The following PRKG1 variants were observed in gnomAD, a reference collection of about 807,000 sequenced individuals.
PRKG1 encodes protein kinase cGMP-dependent 1.
PRKG1 carries 35 observed loss-of-function variants against 88.1 expected under a neutral mutation model. That is an observed-to-expected ratio of 0.40 (90% CI 0.30 to 0.53). PRKG1 has a LOEUF of 0.53. PRKG1 is among the 20% of genes least tolerant of loss of function. PRKG1 has a pLI of 0.59. For synonymous variants in PRKG1, 303 were observed against 292.5 expected (o/e 1.04, Z -0.37); for missense variants, 540 against 839.8 (o/e 0.64, Z 4.41).
chr10:52,027,534 A>G (rs1451254572), intron 5 of PRKG1, among the ~76,000 whole-genome samples: 1 of 152,216 alleles, frequency 6.6e-6, no homozygotes, highest in East Asian at 1.9e-4. Flanking sequence ...TTCTTAAACA[A>G]TCCAGAGAAT....
chr10:51,321,237 T>C (rs1424471890), intron 2 of PRKG1, among the ~76,000 whole-genome samples: 1 of 152,176 alleles, frequency 6.6e-6, no homozygotes, highest in Non-Finnish European at 1.5e-5. Context: ...CTTAAGCACG[T>C]TACTTAAATC....
chr10:51,780,961 G>A (rs1049129468), intron 3 of PRKG1, among the ~76,000 whole-genome samples: 1 of 151,938 alleles, frequency 6.6e-6, no homozygotes, highest in Non-Finnish European at 1.5e-5. Flanking sequence ...TATCATCCTT[G>A]GAACTGCAGA....
chr10:52,261,395 T>C (rs978655763), intron 10 of PRKG1, among the ~76,000 whole-genome samples: 1 of 152,078 alleles, frequency 6.6e-6, no homozygotes, highest in African/African-American at 2.4e-5. Flanking sequence ...TGGATTCAAA[T>C]GAAAAGGCAT....
At chr10:51,870,690 A>C (rs907769534) in intron 4 of PRKG1, among the ~76,000 whole-genome samples, 1 of 152,136 alleles carries the variant, frequency 6.6e-6, no homozygotes, top group African/African-American at 2.4e-5. Context: ...CATAGGTCAG[A>C]TGAAAGGTTC....
chr10:51,295,720 G>C (rs1360206710), intron 2 of PRKG1, among the ~76,000 whole-genome samples: 1 of 151,982 alleles, frequency 6.6e-6, no homozygotes, highest in Non-Finnish European at 1.5e-5. Flanking sequence ...GTGTTGAATA[G>C]ATGTAGTGAG....
chr10:51,467,826 G>T lies in PRKG1; in HGVS notation c.582G>T (p.Ala194=). The T allele has an allele frequency of 6.2e-7, 1 of 1,610,240 alleles. No homozygotes were observed. The highest frequency in any genetic ancestry group is 1.1e-5 in the South Asian group (1 of 90,998). Residue 194 remains alanine (A), a synonymous_variant, in exon 3 of 18, where the codon GCG becomes GCT. Transcript: ENST00000373980. ...TTCTTTACAACTGTACCCGGACAGC[G>T]ACCGTCAAGAGTAAGACTATTTTCA... ...LAILYNCTRT[A]TVKTLVNVKL...
chr10:51,763,544 C>T (rs185316823), intron 3 of PRKG1, among the ~76,000 whole-genome samples: 8 of 150,834 alleles, frequency 5.3e-5, no homozygotes, highest in Admixed American at 2.7e-4. Flanking sequence ...TGAGCCACCA[C>T]ACCCAGCCAC....
intron 1 of PRKG1, among the ~76,000 whole-genome samples, chr10:51,082,312 G>T (rs936681402): frequency 6.6e-6 from 1 of 152,084 alleles, no homozygotes; most frequent in Non-Finnish European, 1.5e-5. Flanking sequence ...TCATTCTCTG[G>T]GGTGTATCTG....
At chr10:51,674,209 G>A (rs1436262878) in intron 3 of PRKG1, among the ~76,000 whole-genome samples, 1 of 152,080 alleles carries the variant, frequency 6.6e-6, no homozygotes, top group Non-Finnish European at 1.5e-5. Flanking sequence ...TGGGGTACAT[G>A]TGCAGAATGT....
At chr10:51,461,290 A>G (rs1340393403) in intron 2 of PRKG1, among the ~76,000 whole-genome samples, 1 of 152,166 alleles carries the variant, frequency 6.6e-6, no homozygotes, top group Non-Finnish European at 1.5e-5. Flanking sequence ...AGTGCTTTTG[A>G]GCACCCTGTA....
At chr10:51,751,638 C>A (rs1052316231) in intron 3 of PRKG1, among the ~76,000 whole-genome samples, 14 of 152,128 alleles carry the variant, frequency 9.2e-5, no homozygotes, top group East Asian at 3.9e-4. Flanking sequence ...ATCTAAAATT[C>A]AAATTTCACT....
intron 9 of PRKG1, among the ~76,000 whole-genome samples, chr10:52,214,770 A>G (rs1432551823): frequency 1.3e-5 from 2 of 152,122 alleles, no homozygotes; most frequent in East Asian, 3.9e-4. Flanking sequence ...ATACAAATGT[A>G]ATGAGGAAAG....
At chr10:52,084,200 C>G (rs547591095) in intron 7 of PRKG1, among the ~76,000 whole-genome samples, 6 of 152,026 alleles carry the variant, frequency 3.9e-5, no homozygotes, top group South Asian at 2.1e-4. Flanking sequence ...TAAAAAGGAG[C>G]AGTAAGGTTT....
intron 2 of PRKG1, among the ~76,000 whole-genome samples, chr10:51,164,114 T>C (rs1447123438): frequency 6.6e-6 from 1 of 152,216 alleles, no homozygotes; most frequent in Admixed American, 6.5e-5. Flanking sequence ...CCCTGACCCC[T>C]GACCCCCGAG....
chr10:51,603,705 G>A (rs1838677187), intron 3 of PRKG1, among the ~76,000 whole-genome samples: 1 of 152,290 alleles, frequency 6.6e-6, no homozygotes, highest in Admixed American at 6.5e-5. Context: ...GCTTCATGCA[G>A]CTTATGATTT....
intron 4 of PRKG1, among the ~76,000 whole-genome samples, chr10:51,902,245 C>T (rs1841996475): frequency 6.6e-6 from 1 of 152,026 alleles, no homozygotes; most frequent in African/African-American, 2.4e-5. Flanking sequence ...GCTTCCCAAA[C>T]ACCTGGGATT....
At chr10:52,079,540 G>T (rs756599263) in intron 7 of PRKG1, among the ~76,000 whole-genome samples, 1 of 152,146 alleles carries the variant, frequency 6.6e-6, no homozygotes, top group Non-Finnish European at 1.5e-5. Flanking sequence ...GCCAGGGAAA[G>T]TTCTTTCCTG....
intron 3 of PRKG1, among the ~76,000 whole-genome samples, chr10:51,738,037 G>A (rs1028266396): frequency 6.6e-6 from 1 of 151,852 alleles, no homozygotes; most frequent in African/African-American, 2.4e-5. Context: ...CAAAGTGCTG[G>A]GATTACAGGC....
At chr10:51,149,952 T>A (rs1447783763) in intron 1 of PRKG1, among the ~76,000 whole-genome samples, 1 of 152,090 alleles carries the variant, frequency 6.6e-6, no homozygotes, top group Non-Finnish European at 1.5e-5. Context: ...AATTCAATGA[T>A]GACAAAGGAA....
Sources: allele counts gnomAD v4.1 joint callset (sites outside exome capture counted in the v4.1 genomes callset), GRCh38; gene constraint gnomAD v4.1.1; transcripts MANE v1.5; gene names NCBI Gene and HGNC (gene_info 2026-07-23, HGNC 2026-07-21).